TRPM3: variants seen among roughly 807,000 people sequenced by gnomAD.
TRPM3 encodes long transient receptor potential channel 3.
TRPM3 carries 77 observed loss-of-function variants against 181.2 expected under a neutral mutation model. That is an observed-to-expected ratio of 0.42 (90% confidence interval 0.35 to 0.51). TRPM3 has a LOEUF of 0.51. TRPM3 is among the 20% of genes least tolerant of loss of function. The pLI is 0.01. For missense variants in TRPM3, 1,759 were observed against 2,196.7 expected, an observed-to-expected ratio of 0.80 and a Z score of 3.98; for synonymous variants, 745 against 796.4, an observed-to-expected ratio of 0.94 and a Z score of 1.09.
chr9:70,841,142 C>T (rs1268060171), intron 5 of TRPM3, among the ~76,000 whole-genome samples: 1 of 152,034 alleles, frequency 6.6e-6, no homozygotes, highest in East Asian at 1.9e-4. Flanking sequence ...AGTGCAAAAT[C>T]AACATACAAT....
chr9:70,633,501 G>GA (rs1343362111), intron 12 of TRPM3, among the ~76,000 whole-genome samples: 2 of 152,034 alleles, frequency 1.3e-5, no homozygotes, highest in Non-Finnish European at 2.9e-5. Flanking sequence ...CTCTTGTTTT[G>GA]AAAAAACTAC....
In TRPM3 at chr9:70,552,947, G is replaced by C. The variant is rs2046826978; in HGVS notation, c.3471C>G (p.Pro1157=). Residue 1157 remains proline (P), a synonymous_variant, in exon 24 of 26, where the codon CCC becomes CCG. Coordinates refer to ENST00000677713, the MANE Select transcript of TRPM3 (RefSeq NM_001366145.2). ...IMTFHERPVL[P]PPLIIFSHMT... is the part of the protein sequence containing the mutation. ...TGTGGCTGAAGATGATCAGTGGTGG[G>C]GGCAGAACTGGCCTTTCATGGAAAG... 6.2e-7 allele frequency: 1 copy of C among 1,614,064 alleles called. No homozygotes were observed. The highest frequency in any genetic ancestry group is 1.3e-5 in the African/African-American group (1 of 74,904).
intron 1 of TRPM3, among the ~76,000 whole-genome samples, chr9:71,408,705 C>T (rs1565543501): frequency 1.3e-5 from 2 of 152,082 alleles, no homozygotes; most frequent in Non-Finnish European, 2.9e-5. Flanking sequence ...GGAGAACTTC[C>T]CCAACCTAGC....
intron 7 of TRPM3, among the ~76,000 whole-genome samples, chr9:70,772,199 T>C (rs1472079594): frequency 6.6e-6 from 1 of 152,196 alleles, no homozygotes; most frequent in African/African-American, 2.4e-5. Context: ...GGCTATTTAA[T>C]TATAATACAA....
At chr9:70,686,559 T>C (rs1299852250) in intron 8 of TRPM3, among the ~76,000 whole-genome samples, 1 of 151,250 alleles carries the variant, frequency 6.6e-6, no homozygotes, top group Non-Finnish European at 1.5e-5. Flanking sequence ...ACTTTTCTCC[T>C]AGAATAATTT....
chr9:71,003,202 A>AAT (rs764963861), intron 1 of TRPM3, among the ~76,000 whole-genome samples: 1 of 140,940 alleles, frequency 7.1e-6, no homozygotes, highest in African/African-American at 2.5e-5. Flanking sequence ...TTAAAAAAAA[A>AAT]AAAAAAAAAC....
At chr9:70,540,689 G>A (rs1466889832) in intron 25 of TRPM3, among the ~76,000 whole-genome samples, 1 of 152,152 alleles carries the variant, frequency 6.6e-6, no homozygotes, top group African/African-American at 2.4e-5. Flanking sequence ...GGACAACATA[G>A]GGAGATCCTG....
intron 1 of TRPM3, among the ~76,000 whole-genome samples, chr9:71,379,577 G>C (rs2092746957): frequency 1.3e-5 from 2 of 151,966 alleles, no homozygotes; most frequent in Admixed American, 6.6e-5. Flanking sequence ...ACCTAAAATA[G>C]CCTCACCCAC....
intron 8 of TRPM3, among the ~76,000 whole-genome samples, chr9:70,751,687 T>G (rs1047318476): frequency 6.6e-6 from 1 of 152,116 alleles, no homozygotes; most frequent in African/African-American, 2.4e-5. Context: ...TAGAACCCAA[T>G]GCAGAGGGAG....
chr9:71,286,188 C>G (rs11142779), intron 1 of TRPM3, among the ~76,000 whole-genome samples: 33,797 of 152,050 alleles, frequency 0.22, 4,161 homozygotes, highest in African/African-American at 0.3. Flanking sequence ...GAGGTGTCAT[C>G]AGACCAGGTT....
intron 1 of TRPM3, among the ~76,000 whole-genome samples, chr9:71,161,034 C>T (rs1257935267): frequency 6.6e-6 from 1 of 152,144 alleles, no homozygotes; most frequent in Non-Finnish European, 1.5e-5. Context: ...ACAGAGGTGA[C>T]TATGGAAACC....
intron 3 of TRPM3, among the ~76,000 whole-genome samples, chr9:70,847,743 A>T (rs2095040275): frequency 6.6e-6 from 1 of 152,164 alleles, no homozygotes; most frequent in Non-Finnish European, 1.5e-5. Flanking sequence ...TGAGGAAAAA[A>T]TTTCCCCTCT....
chr9:70,926,668 T>C (rs1206479837), intron 1 of TRPM3, among the ~76,000 whole-genome samples: 1 of 152,200 alleles, frequency 6.6e-6, no homozygotes, highest in African/African-American at 2.4e-5. Context: ...AATTTCTCTG[T>C]AACCTATTGT....
chr9:71,428,799 C>T (rs2093912446), intron 1 of TRPM3, among the ~76,000 whole-genome samples: 1 of 152,044 alleles, frequency 6.6e-6, no homozygotes, highest in African/African-American at 2.4e-5. Context: ...CTCATGGCTC[C>T]TTTTAATCCT....
intron 6 of TRPM3, among the ~76,000 whole-genome samples, chr9:70,787,417 T>C (rs939795123): frequency 2.0e-5 from 3 of 152,180 alleles, no homozygotes; most frequent in African/African-American, 4.8e-5. Context: ...AAAGCCTTTA[T>C]AGGGTACAAA....
rs2075279620 is a variant in TRPM3 at position 70,747,050 on chromosome 9, A to G, written c.1272+14551T>C. 2.0e-5 allele frequency among the ~76,000 whole-genome samples: 3 copies of G among 152,326 alleles called. No individual in the cohort carries two copies. The South Asian group carries it at 6.2e-4, about 32-fold the overall frequency. On this transcript the variant is annotated intron_variant, in intron 8 of 25. Transcript: ENST00000677713. ...ATATGTATCAGCCCCATTAATGTATATACATCTGAATTCATTCATTCATTC... is the reference window on the plus strand; with the variant it reads ...ATATGTATCAGCCCCATTAATGTATGTACATCTGAATTCATTCATTCATTC...
intron 1 of TRPM3, among the ~76,000 whole-genome samples, chr9:71,075,886 A>G (rs1045187415): frequency 6.6e-6 from 1 of 152,226 alleles, no homozygotes; most frequent in African/African-American, 2.4e-5. Context: ...AGCTAGAAAC[A>G]TGGTAACTTG....
intron 1 of TRPM3, among the ~76,000 whole-genome samples, chr9:70,911,385 ATTCTATACTCCCT>A (rs2096536146): frequency 6.6e-6 from 1 of 152,136 alleles, no homozygotes; most frequent in African/African-American, 2.4e-5. Context: ...CATTTATCTT[ATTCTATACTCCCT>A]TCCAGAGTAA....
chr9:71,053,467 C>T (rs1401375603), intron 1 of TRPM3, among the ~76,000 whole-genome samples: 3 of 152,068 alleles, frequency 2.0e-5, no homozygotes, highest in Non-Finnish European at 4.4e-5. Flanking sequence ...GGTCTTCTCC[C>T]AATGTCATCC....
Sources: allele counts gnomAD v4.1 joint callset (sites outside exome capture counted in the v4.1 genomes callset), GRCh38; gene constraint gnomAD v4.1.1; transcripts MANE v1.5; gene names NCBI Gene and HGNC (gene_info 2026-07-23, HGNC 2026-07-21).